PLXNA4: variants seen among roughly 807,000 people sequenced by gnomAD.
The protein encoded by PLXNA4 is plexin-A4.
Under a neutral mutation model 191.8 loss-of-function variants are expected in PLXNA4, and 44 were observed. That is an observed-to-expected ratio of 0.23 (90% CI 0.18 to 0.29). PLXNA4 has a LOEUF of 0.29. Among genes scored for constraint, PLXNA4 ranks in the 10% least tolerant of loss-of-function variants. The probability of loss-of-function intolerance (pLI) is 1.00; values close to 1 mark genes in which losing one functional copy is unlikely to be tolerated. For missense variants in PLXNA4, 1,800 were observed against 2,488.8 expected, an observed-to-expected ratio of 0.72 and a Z score of 5.89; for synonymous variants, 1,082 against 1,009.5, an observed-to-expected ratio of 1.07 and a Z score of -1.36.
chr7:132,555,996 C>T (rs1223021464), intron 1 of PLXNA4, among the ~76,000 whole-genome samples: 1 of 152,236 alleles, frequency 6.6e-6, no homozygotes, highest in East Asian at 1.9e-4. Flanking sequence ...AAGCCTAGAG[C>T]CCTCTGTGGC....
At chr7:132,353,173 T>G (rs577828232) in intron 3 of PLXNA4, among the ~76,000 whole-genome samples, 1 of 152,334 alleles carries the variant, frequency 6.6e-6, no homozygotes, top group South Asian at 2.1e-4. Flanking sequence ...GCTATTGCAA[T>G]AAGTTTTGCA....
chr7:132,154,413 G>GTTTT lies in PLXNA4; in HGVS notation c.4660+5056_4660+5059dup, dbSNP rs56270651. Reference sequence around the variant, plus strand: ...GAGGGGTGACATCTAAAAACGTTCTGTTTTTTTTTTTTTTTTAATTATTGT... The same window carrying GTTTT: ...GAGGGGTGACATCTAAAAACGTTCTGTTTTTTTTTTTTTTTTTTTTAATTATTGT... On this transcript the variant is annotated intron_variant, in intron 25 of 31. Transcript: ENST00000321063. Among the ~76,000 whole-genome samples the GTTTT allele has an allele frequency of 7.5e-4, 110 of 146,864 alleles. 2 individuals are homozygous for GTTTT. The South Asian group carries it at 0.024, about 32-fold the overall frequency.
Position 132,445,250 on chromosome 7 carries a change from C to T in PLXNA4, c.1371+44042G>A, listed in dbSNP as rs572355792. Among the ~76,000 whole-genome samples the T allele has an allele frequency of 2.0e-5, 3 of 151,202 alleles. No individual in the cohort carries two copies. The East Asian group carries it at 5.9e-4, about 30-fold the overall frequency. ...ACCCTTCCATGTGTAGGTTAATATT[C>T]CCAATCTGCCACCTGCTCCTCCTTC... On this transcript the variant is annotated intron_variant, in intron 3 of 31. Transcript: ENST00000321063.
At chr7:132,388,187 C>T (rs111953933) in intron 3 of PLXNA4, among the ~76,000 whole-genome samples, 493 of 152,180 alleles carry the variant, frequency 3.2e-3, no homozygotes, top group African/African-American at 0.011. Flanking sequence ...ACAGCCAATC[C>T]CTGGTTCCCT....
chr7:132,298,738 CT>C (rs1248619528), intron 3 of PLXNA4, among the ~76,000 whole-genome samples: 4 of 152,208 alleles, frequency 2.6e-5, no homozygotes, highest in African/African-American at 9.6e-5. Flanking sequence ...CTAAGGGTCT[CT>C]TTTTTTGCCA....
chr7:132,521,107 G>A (rs1462493451), intron 1 of PLXNA4, among the ~76,000 whole-genome samples: 1 of 150,254 alleles, frequency 6.7e-6, no homozygotes, highest in African/African-American at 2.5e-5. Flanking sequence ...ACATATTTCA[G>A]CTGTGTGCTG....
chr7:132,327,096 A>AGGAGGGAGGGTAGGAGGAAG (rs1802399925), intron 3 of PLXNA4, among the ~76,000 whole-genome samples: 1 of 148,934 alleles, frequency 6.7e-6, no homozygotes. Context: ...GTAGGAAGAA[A>AGGAGGGAGGGTAGGAGGAAG]GGAGGGAGAA....
chr7:132,630,515 T>TTTTTGTTTTGTTTTG (rs60870152), intron 2 of PLXNA4, among the ~76,000 whole-genome samples: 3,293 of 152,146 alleles, frequency 0.022, 124 homozygotes, highest in African/African-American at 0.073. Context: ...TTTTTTTGTT[T>TTTTTGTTTTGTTTTG]TTTTGTTTTG....
intron 31 of PLXNA4, 148 bp from the exon 32 acceptor site, chr7:132,130,722 A>G: frequency 8.4e-7 from 1 of 1,185,938 alleles, no homozygotes; most frequent in South Asian, 1.5e-5. Flanking sequence ...GGGTAGGAGG[A>G]GACCTGGGGA....
chr7:132,397,149 G>T (rs1319881407), intron 3 of PLXNA4, among the ~76,000 whole-genome samples: 1 of 152,236 alleles, frequency 6.6e-6, no homozygotes, highest in Non-Finnish European at 1.5e-5. Context: ...AATACTAGAA[G>T]ATAAAAGCGC....
rs144831763 is a variant in PLXNA4 at position 132,505,329 on chromosome 7, G to A, written c.1188+2177C>T. 2.1e-3 allele frequency among the ~76,000 whole-genome samples: 325 copies of A among 152,286 alleles called. 1 individual carries two copies. Among genetic ancestry groups the A allele is most frequent in the Non-Finnish European group, 3.9e-3 (262 of 68,024 alleles). On this transcript the variant is annotated intron_variant, in intron 2 of 31. Transcript: ENST00000321063. ...TTTTTGTATTGTGGCAGGAAGCAAC[G>A]GCAGCACGAACACTTGCCCATGGGC...
intron 1 of PLXNA4, among the ~76,000 whole-genome samples, chr7:132,514,019 T>G (rs544070009): frequency 6.6e-6 from 1 of 150,980 alleles, no homozygotes; most frequent in Admixed American, 6.6e-5. Context: ...AAAATACTAG[T>G]ATGTCACATA....
At chr7:132,349,762 A>G (rs2116795514) in intron 3 of PLXNA4, among the ~76,000 whole-genome samples, 1 of 151,894 alleles carries the variant, frequency 6.6e-6, no homozygotes, top group Admixed American at 6.5e-5. Flanking sequence ...GTTGCTTTTC[A>G]CCCCTTGCTG....
chr7:132,486,252 A>G (rs968789820), intron 3 of PLXNA4, among the ~76,000 whole-genome samples: 1 of 152,202 alleles, frequency 6.6e-6, no homozygotes, highest in African/African-American at 2.4e-5. Flanking sequence ...ACAACTTGTC[A>G]CGGCTGGGCC....
At chr7:132,202,553 G>T in intron 12 of PLXNA4, 93 bp downstream of exon 12, 1 of 1,313,644 alleles carries the variant, frequency 7.6e-7, no homozygotes, top group South Asian at 2.2e-5. Context: ...ACTACTGGGT[G>T]ACCGACACCA....
intron 2 of PLXNA4, among the ~76,000 whole-genome samples, chr7:132,597,541 A>G (rs1802733523): frequency 6.6e-6 from 1 of 152,028 alleles, no homozygotes; most frequent in African/African-American, 2.4e-5. Context: ...TTCCTAGTTC[A>G]TGACACATTC....
chr7:132,198,485 T>C lies in PLXNA4; in HGVS notation c.2738A>G (p.Gln913Arg), dbSNP rs1371023231. Residue 913 changes from glutamine to arginine, a missense_variant and splice_region_variant, in exon 13 of 32, where the codon CAG (glutamine) becomes CGG (arginine). This residue lies in a region of PLXNA4 where 1,397 missense variants were observed against 1,880.4 expected (regional missense o/e 0.74). Coordinates refer to ENST00000321063, the MANE Select transcript of PLXNA4 (RefSeq NM_020911.2). ...PLVDGYIPAEQIVCEMGEAKP... is the reference protein window; with the variant it reads ...PLVDGYIPAERIVCEMGEAKP... ...CTGTGTTGCATGCAGCTTCACTTAC[T>C]GTTCTGCAGGGATGTAACCATCCAC... is the stretch of plus-strand genomic sequence containing the variant. The C allele has an allele frequency of 8.1e-6, 13 of 1,613,662 alleles. No homozygotes were observed. The highest frequency in any genetic ancestry group is 1.0e-5 in the Non-Finnish European group (12 of 1,179,842).
chr7:132,179,456 C>T (rs114345206), intron 20 of PLXNA4, among the ~76,000 whole-genome samples: 5,005 of 146,402 alleles, frequency 0.034, 280 homozygotes, highest in African/African-American at 0.12. Context: ...CACTGCTGCC[C>T]GGCCTGCTTG....
chr7:132,343,572 G>A (rs1205629567), intron 3 of PLXNA4, among the ~76,000 whole-genome samples: 1 of 152,214 alleles, frequency 6.6e-6, no homozygotes. Context: ...CTGGCTTAAA[G>A]TCACAAGTGG....
Sources: allele counts gnomAD v4.1 joint callset (sites outside exome capture counted in the v4.1 genomes callset), GRCh38; gene constraint gnomAD v4.1.1; regional missense constraint gnomAD v4.1.1; transcripts MANE v1.5; gene names NCBI Gene and HGNC (gene_info 2026-07-23, HGNC 2026-07-21).